Variants in KCNH7 observed in about 807,000 individuals in gnomAD.
KCNH7 encodes the protein voltage-gated inwardly rectifying potassium channel KCNH7.
In KCNH7, 49 loss-of-function variants were observed where a neutral mutation model predicts 120.8. The ratio of observed to expected loss-of-function variants is 0.41; its 90% CI spans 0.32 to 0.51. The LOEUF (loss-of-function observed/expected upper bound fraction) is 0.51, where lower values mean the gene tolerates loss of function less well. Ranked by LOEUF, KCNH7 falls within the 20% of genes least tolerant of loss-of-function variation. The pLI is 0.38. For synonymous variants in KCNH7, 547 were observed against 516.1 expected, an observed-to-expected ratio of 1.06 and a Z score of -0.81; for missense variants, 1,097 against 1,446.6, an observed-to-expected ratio of 0.76 and a Z score of 3.92.
intron 2 of KCNH7, among the ~76,000 whole-genome samples, chr2:162,775,890 A>G (rs1387591620): frequency 6.6e-6 from 1 of 152,204 alleles, no homozygotes; most frequent in Non-Finnish European, 1.5e-5. Flanking sequence ...ACCTAGGCAC[A>G]TGCCTTGGCT....
chr2:162,764,411 T>C (rs1332356300), intron 2 of KCNH7, among the ~76,000 whole-genome samples: 1 of 152,190 alleles, frequency 6.6e-6, no homozygotes, highest in Non-Finnish European at 1.5e-5. Context: ...CATAATATTT[T>C]ATAGACAGTA....
In KCNH7 at chr2:162,384,740, T is replaced by G; in HGVS notation, c.2910A>C (p.Thr970=). The change falls in exon 13 of 16, where the codon ACA becomes ACC. Residue 970 remains threonine, a synonymous_variant. Transcript: ENST00000332142. ...TGTGCATTCTTCCTGAGGTGGGCAC[T>G]GTTTCTTCAAAATCGAGCCCAGATG... ...GKASGLDFEE[T]VPTSGRMHID... The G allele has an allele frequency of 6.2e-7, 1 of 1,612,714 alleles. No individual in the cohort carries two copies. Among genetic ancestry groups the G allele is most frequent in the Non-Finnish European group, 8.5e-7 (1 of 1,178,980 alleles).
At chr2:162,416,147 T>C (rs1687536243) in intron 9 of KCNH7, among the ~76,000 whole-genome samples, 2 of 152,194 alleles carry the variant, frequency 1.3e-5, no homozygotes, top group South Asian at 2.1e-4. Context: ...TCCCACCACT[T>C]TGGGAGTCCA....
chr2:162,719,551 T>A (rs116809099), intron 2 of KCNH7, among the ~76,000 whole-genome samples: 377 of 152,158 alleles, frequency 2.5e-3, no homozygotes, highest in African/African-American at 8.3e-3. Context: ...GTTTTTGTCA[T>A]GTTTTAGTGA....
chr2:162,720,901 G>C (rs1403592993), intron 2 of KCNH7, among the ~76,000 whole-genome samples: 2 of 151,366 alleles, frequency 1.3e-5, no homozygotes, highest in African/African-American at 4.9e-5. Context: ...AACCACTACA[G>C]GCTCTACACA....
intron 2 of KCNH7, among the ~76,000 whole-genome samples, chr2:162,642,148 T>G (rs1684179212): frequency 6.6e-6 from 1 of 152,150 alleles, no homozygotes; most frequent in African/African-American, 2.4e-5. Flanking sequence ...AGCCTTAGTA[T>G]TTTTGCACAA....
At chr2:162,569,030 G>A (rs1693366091) in intron 2 of KCNH7, among the ~76,000 whole-genome samples, 1 of 152,068 alleles carries the variant, frequency 6.6e-6, no homozygotes, top group Non-Finnish European at 1.5e-5. Context: ...GTATCAGGAT[G>A]ATGCTGGTCT....
At chr2:162,630,327 G>A (rs528073713) in intron 2 of KCNH7, among the ~76,000 whole-genome samples, 26 of 152,098 alleles carry the variant, frequency 1.7e-4, no homozygotes, top group African/African-American at 5.3e-4. Context: ...TACACCCATT[G>A]TTATGACATG....
intron 2 of KCNH7, among the ~76,000 whole-genome samples, chr2:162,788,474 T>C (rs1383933717): frequency 6.6e-6 from 1 of 152,006 alleles, no homozygotes; most frequent in African/African-American, 2.4e-5. Flanking sequence ...ATAGATAAGA[T>C]TTAAAATTCT....
At chr2:162,583,760 C>T (rs1193875622) in intron 2 of KCNH7, among the ~76,000 whole-genome samples, 1 of 151,992 alleles carries the variant, frequency 6.6e-6, no homozygotes, top group Non-Finnish European at 1.5e-5. Flanking sequence ...ATTGGTGTTA[C>T]CTGGCTGGAA....
chr2:162,378,462 G>C (rs1686291751), intron 14 of KCNH7, among the ~76,000 whole-genome samples: 1 of 152,152 alleles, frequency 6.6e-6, no homozygotes, highest in Non-Finnish European at 1.5e-5. Flanking sequence ...AAAAATTTAA[G>C]CATAAATAGT....
chr2:162,567,961 A>G (rs1693316460), intron 2 of KCNH7, among the ~76,000 whole-genome samples: 1 of 152,074 alleles, frequency 6.6e-6, no homozygotes, highest in Non-Finnish European at 1.5e-5. Flanking sequence ...AAGATGTATT[A>G]GTCCATTCTC....
intron 2 of KCNH7, among the ~76,000 whole-genome samples, chr2:162,781,303 A>T (rs369740923): frequency 6.6e-6 from 1 of 152,002 alleles, no homozygotes; most frequent in South Asian, 2.1e-4. Flanking sequence ...TTAGTTTAAC[A>T]GATGAAACTA....
intron 8 of KCNH7, among the ~76,000 whole-genome samples, chr2:162,427,338 T>G (rs1687899296): frequency 6.6e-6 from 1 of 152,246 alleles, no homozygotes; most frequent in South Asian, 2.1e-4. Flanking sequence ...CAGCAATGTA[T>G]GAAAATACTA....
chr2:162,412,734 G>T (rs1687426562), intron 9 of KCNH7, among the ~76,000 whole-genome samples: 1 of 152,112 alleles, frequency 6.6e-6, no homozygotes, highest in East Asian at 1.9e-4. Flanking sequence ...GTAATGTCCA[G>T]AATATAAAAT....
intron 2 of KCNH7, among the ~76,000 whole-genome samples, chr2:162,764,986 A>T (rs1259218706): frequency 6.6e-6 from 1 of 152,190 alleles, no homozygotes; most frequent in African/African-American, 2.4e-5. Context: ...ATAAAACCAA[A>T]TTTAAAAAAT....
chr2:162,766,774 T>A (rs1047393805), intron 2 of KCNH7, among the ~76,000 whole-genome samples: 1 of 151,928 alleles, frequency 6.6e-6, no homozygotes, highest in African/African-American at 2.4e-5. Flanking sequence ...CCAGCTGTAA[T>A]GCAGAAACTG....
At chr2:162,629,524 T>C (rs972705047) in intron 2 of KCNH7, among the ~76,000 whole-genome samples, 1 of 152,162 alleles carries the variant, frequency 6.6e-6, no homozygotes, top group African/African-American at 2.4e-5. Flanking sequence ...CCTAGTGTTC[T>C]TCAAGTTCAG....
intron 2 of KCNH7, among the ~76,000 whole-genome samples, chr2:162,694,114 C>T (rs1286580035): frequency 6.6e-6 from 1 of 152,050 alleles, no homozygotes; most frequent in Non-Finnish European, 1.5e-5. Flanking sequence ...TGAAAACATT[C>T]CTGAAGAACT....
Sources: gnomAD v4.1 joint callset for allele counts (sites outside exome capture counted in the v4.1 genomes callset) on GRCh38, gnomAD v4.1.1 for gene constraint, MANE v1.5 for transcripts, NCBI Gene and HGNC (gene_info 2026-07-23, HGNC 2026-07-21) for gene names.